The following ANKRD13C variants were observed in gnomAD, a reference collection of about 807,000 sequenced individuals.
ANKRD13C encodes the protein ankyrin repeat domain 13C.
In ANKRD13C, 16 loss-of-function variants were observed where a neutral mutation model predicts 65.5. That is an observed-to-expected ratio of 0.24 (90% CI 0.17 to 0.37). The LOEUF (loss-of-function observed/expected upper bound fraction) is 0.37, where lower values mean the gene tolerates loss of function less well. ANKRD13C is among the 10% of genes least tolerant of loss of function. The pLI is 1.00. For missense variants in ANKRD13C, 503 were observed against 655.9 expected (o/e 0.77, Z 2.55); for synonymous variants, 235 against 238.7 (o/e 0.98, Z 0.14).
chr1:70,295,208 C>T (rs995192364), intron 8 of ANKRD13C, among the ~76,000 whole-genome samples: 7 of 151,790 alleles, frequency 4.6e-5, no homozygotes. Flanking sequence ...TATAAACATG[C>T]TTCTTCATAC....
rs1404813485 is a variant in ANKRD13C at position 70,354,575 on chromosome 1, C to T, written c.-167G>A. 4.9e-6 allele frequency: 7 copies of T among 1,416,518 alleles called. No homozygotes were observed. Among genetic ancestry groups the T allele is most frequent in the Non-Finnish European group, 6.5e-6 (7 of 1,083,606 alleles). 87.7% of individuals were successfully genotyped at this position (1,416,518 alleles called of 1,614,324 possible). On this transcript the variant is annotated 5_prime_UTR_variant, in exon 1 of 13. Transcript: ENST00000370944. ...ACAAACGCATCTCCCGGGGAAGAGC[C>T]GGCTCTCGCCTAGGCACGAAGGGAC...
chr1:70,291,036 A>AT (rs1346428243), intron 9 of ANKRD13C, among the ~76,000 whole-genome samples: 50 of 147,372 alleles, frequency 3.4e-4, no homozygotes, highest in Admixed American at 4.8e-4. Context: ...CATCTGGGAA[A>AT]TTTTTTTTTT....
chr1:70,268,182 A>C (rs368839551), intron 12 of ANKRD13C, among the ~76,000 whole-genome samples: 1,551 of 151,130 alleles, frequency 0.01, 22 homozygotes, highest in African/African-American at 0.027. Flanking sequence ...CCCCGCCCCC[A>C]CCTTGAGACA....
At chr1:70,338,869 CCTT>C (rs1682174694) in intron 1 of ANKRD13C, among the ~76,000 whole-genome samples, 1 of 152,186 alleles carries the variant, frequency 6.6e-6, no homozygotes, top group Non-Finnish European at 1.5e-5. Context: ...AGGTCCTCTT[CCTT>C]CTTTTCAAAA....
chr1:70,323,928 G>A (rs1033137014), intron 3 of ANKRD13C, among the ~76,000 whole-genome samples: 3 of 151,834 alleles, frequency 2.0e-5, no homozygotes, highest in African/African-American at 4.8e-5. Flanking sequence ...GTTTCACCAC[G>A]TTGGCCAGGC....
intron 1 of ANKRD13C, among the ~76,000 whole-genome samples, chr1:70,343,630 G>T (rs1320466141): frequency 2.6e-5 from 4 of 152,108 alleles, no homozygotes. Flanking sequence ...GCTCACTGCA[G>T]CCTCTACCTC....
intron 9 of ANKRD13C, among the ~76,000 whole-genome samples, chr1:70,277,132 G>C (rs1679175771): frequency 6.6e-6 from 1 of 151,974 alleles, no homozygotes; most frequent in Admixed American, 6.6e-5. Flanking sequence ...CATTATACTA[G>C]CTGCTGAACA....
At chr1:70,288,410 CTT>C (rs1268176933) in intron 9 of ANKRD13C, among the ~76,000 whole-genome samples, 1 of 152,146 alleles carries the variant, frequency 6.6e-6, no homozygotes, top group Non-Finnish European at 1.5e-5. Flanking sequence ...GAAATGAAGA[CTT>C]ATATTACATT....
chr1:70,280,566 A>G (rs1263118881), intron 9 of ANKRD13C, among the ~76,000 whole-genome samples: 6 of 152,210 alleles, frequency 3.9e-5, no homozygotes, highest in South Asian at 2.1e-4. Flanking sequence ...GAGCAATACA[A>G]TATAGTAGCT....
chr1:70,304,048 T>TTG lies in ANKRD13C; in HGVS notation c.776+2174_776+2175dup, dbSNP rs146391623. ...TGCCCTCATGTTCCTGTTTTAACTTTTGTGTGTGTGTGTGACAGGGACTCA... is the reference window on the plus strand; with the variant it reads ...TGCCCTCATGTTCCTGTTTTAACTTTTGTGTGTGTGTGTGTGACAGGGACTCA... On this transcript the variant is annotated intron_variant, in intron 6 of 12. Coordinates refer to ENST00000370944, the MANE Select transcript of ANKRD13C (RefSeq NM_030816.5). Among the ~76,000 whole-genome samples, 16 of 151,870 alleles carry TTG rather than the reference T, an allele frequency of 1.1e-4. No homozygotes were observed. In the East Asian group the frequency reaches 2.1e-3, roughly 20 times the overall value.
intron 3 of ANKRD13C, 53 bp downstream of exon 3, chr1:70,324,800 A>T: frequency 1.6e-6 from 2 of 1,233,510 alleles, no homozygotes; most frequent in Non-Finnish European, 2.3e-6. Context: ...TTTCAAATGC[A>T]TCACTTCATA....
At chr1:70,344,295 C>CAAAAAAAAAAAAA (rs1169730172) in intron 1 of ANKRD13C, among the ~76,000 whole-genome samples, 11 of 85,636 alleles carry the variant, frequency 1.3e-4, no homozygotes, top group Non-Finnish European at 1.7e-4. Flanking sequence ...GATTCCATCT[C>CAAAAAAAAAAAAA]AAAAAAAAAA....
At chr1:70,277,195 T>C (rs1175519213) in intron 9 of ANKRD13C, among the ~76,000 whole-genome samples, 1 of 152,194 alleles carries the variant, frequency 6.6e-6, no homozygotes, top group African/African-American at 2.4e-5. Flanking sequence ...TAGTGGCTCA[T>C]GCCGGTAATC....
chr1:70,284,707 T>C (rs1679541645), intron 9 of ANKRD13C, among the ~76,000 whole-genome samples: 1 of 152,204 alleles, frequency 6.6e-6, no homozygotes, highest in Non-Finnish European at 1.5e-5. Flanking sequence ...CTCAATTTCT[T>C]TTTTATAAAA....
chr1:70,338,526 A>C (rs1682161219), intron 1 of ANKRD13C, among the ~76,000 whole-genome samples: 1 of 151,994 alleles, frequency 6.6e-6, no homozygotes, highest in African/African-American at 2.4e-5. Flanking sequence ...CAGCCTCCCG[A>C]GTAGCTGGGA....
intron 12 of ANKRD13C, 133 bp from the exon 13 acceptor site, chr1:70,262,980 T>C: frequency 1.4e-6 from 1 of 731,950 alleles, no homozygotes; most frequent in East Asian, 3.3e-5. Context: ...ACCAGAAGAA[T>C]TCAAATATAT....
At chr1:70,341,447 C>T (rs912968206) in intron 1 of ANKRD13C, among the ~76,000 whole-genome samples, 7 of 151,002 alleles carry the variant, frequency 4.6e-5, no homozygotes, top group South Asian at 2.1e-4. Context: ...CTGCACCCTC[C>T]GCCTCCCAGG....
At chr1:70,348,891 C>T (rs1441072101) in intron 1 of ANKRD13C, among the ~76,000 whole-genome samples, 1 of 152,112 alleles carries the variant, frequency 6.6e-6, no homozygotes, top group Admixed American at 6.6e-5. Flanking sequence ...GGAGAAACTG[C>T]CAAATTTCTC....
chr1:70,352,148 G>C (rs1231101426), intron 1 of ANKRD13C, among the ~76,000 whole-genome samples: 1 of 151,850 alleles, frequency 6.6e-6, no homozygotes, highest in Non-Finnish European at 1.5e-5. Context: ...GACCATCCCG[G>C]CTCACACAGT....
Sources: gnomAD v4.1 joint callset for allele counts (sites outside exome capture counted in the v4.1 genomes callset) on GRCh38, gnomAD v4.1.1 for gene constraint, MANE v1.5 for transcripts, NCBI Gene and HGNC (gene_info 2026-07-23, HGNC 2026-07-21) for gene names.